PRDM15: variants seen among roughly 807,000 people sequenced by gnomAD.
PRDM15 encodes the protein PR domain zinc finger protein 15.
In PRDM15, 64 loss-of-function variants were observed where a neutral mutation model predicts 128.6. That is an observed-to-expected ratio of 0.50 (90% confidence interval 0.41 to 0.61). PRDM15 has a LOEUF of 0.61. Ranked by LOEUF, PRDM15 falls within the 20% of genes least tolerant of loss-of-function variation. The pLI, the probability that PRDM15 is intolerant of heterozygous loss-of-function variation, is 0.00. For missense variants in PRDM15, 1,242 were observed against 1,569.1 expected (o/e 0.79, Z 3.52); for synonymous variants, 615 against 621.8 (o/e 0.99, Z 0.16).
rs1555880528 is a variant in PRDM15, at chr21:41,835,963, GCCC to G, written c.1278+147_1278+149del. On this transcript the variant is annotated intron_variant, in intron 10 of 23. Transcript: ENST00000398548. ...TGGCCGCTCTCCTCCCTCCCCCACA[GCCC>G]CCGCCCACTCTCCTCCCTCCCCCAC... 1.3e-4 allele frequency: 16 copies of G among 119,256 alleles called. 1 individual carries two copies. The highest frequency in any genetic ancestry group is 4.1e-4 in the South Asian group (5 of 12,164). The allele number at this position is 119,256 out of a possible 1,614,324, so 7.4% of individuals were successfully genotyped here.
chr21:41,859,280 C>T lies in PRDM15; in HGVS notation c.131+312G>A, dbSNP rs577593157. On this transcript the variant is annotated intron_variant, in intron 3 of 23. Transcript: ENST00000398548. This position sits in a 1 kb window ranked among gnomAD's most constrained non-coding sequence, Gnocchi z 5.3. ...CAGACCTCCAGCTTGGCTGCTGGTGCTCAGCACGTCAACCACCTTGGCAAG... is the reference window on the plus strand; with the variant it reads ...CAGACCTCCAGCTTGGCTGCTGGTGTTCAGCACGTCAACCACCTTGGCAAG... 62 of 1,539,374 alleles carry T rather than the reference C, an allele frequency of 4.0e-5. 2 individuals carry two copies. In the Admixed American group the frequency reaches 8.8e-4, roughly 22 times the overall value.
intron 1 of PRDM15, among the ~76,000 whole-genome samples, chr21:41,867,561 A>G (rs954149686): frequency 6.6e-6 from 1 of 152,232 alleles, no homozygotes. Context: ...CTCCTGCCGC[A>G]GCCTCCGCAT....
At chr21:41,816,780 CCTGCACACA>C (rs1050572183) in intron 18 of PRDM15, among the ~76,000 whole-genome samples, 5 of 152,088 alleles carry the variant, frequency 3.3e-5, no homozygotes, top group African/African-American at 1.2e-4. Context: ...AAGCCCGCTG[CCTGCACACA>C]CAGCTGCACA....
rs911231848 is a variant in PRDM15, at chr21:41,836,759, T to C, written c.1002-110A>G. 3.4e-6 allele frequency: 3 copies of C among 894,088 alleles called. No homozygotes were observed. In the Admixed American group the frequency reaches 7.0e-5, roughly 21 times the overall value. 55.4% of individuals were successfully genotyped at this position (894,088 alleles called of 1,614,324 possible). On this transcript the variant is annotated intron_variant, in intron 8 of 23. Coordinates refer to ENST00000398548, the MANE Select transcript of PRDM15 (RefSeq NM_001040424.3). ...AAAACTTCCCAGCTAATCCCGAGCC[T>C]GTATGCGAGAAAGGAGGGAATGCGC...
At chr21:41,875,368 G>A (rs1207461346) in intron 1 of PRDM15, among the ~76,000 whole-genome samples, 1 of 152,272 alleles carries the variant, frequency 6.6e-6, no homozygotes, top group African/African-American at 2.4e-5. Flanking sequence ...CTGGAACCAG[G>A]AGCAGCCAGG....
intron 13 of PRDM15, among the ~76,000 whole-genome samples, chr21:41,824,685 C>T (rs1247239128): frequency 6.6e-5 from 10 of 152,186 alleles, no homozygotes; most frequent in Non-Finnish European, 2.9e-5. Context: ...TGGCCCAGCT[C>T]GCAAAGTCAC....
intron 5 of PRDM15, among the ~76,000 whole-genome samples, chr21:41,852,054 G>A (rs2063445288): frequency 6.6e-6 from 1 of 152,190 alleles, no homozygotes; most frequent in Admixed American, 6.5e-5. Flanking sequence ...GAAATCAGAG[G>A]CGACTCTGTT....
rs1234003741 is a variant in PRDM15 at position 41,828,654 on chromosome 21, G to A, written c.1367-321C>T. On this transcript the variant is annotated intron_variant, in intron 11 of 23. Transcript: ENST00000398548. The surrounding 1 kb of genome is among the most constrained non-coding windows in gnomAD (Gnocchi z 5.7). ...TGACTCCACTTCCGTCAGGAAAGCT[G>A]CCCAGTCCAAAGCTTCCCCTGGGCC... 2.0e-5 allele frequency among the ~76,000 whole-genome samples: 3 copies of A among 151,932 alleles called. No homozygotes were observed. The highest frequency in any genetic ancestry group is 6.5e-5 in the Admixed American group (1 of 15,268).
rs768947920 is a variant in PRDM15 at position 41,859,654 on chromosome 21, G to T, written c.69C>A (p.Ser23=). 1 of 1,613,874 alleles carries T rather than the reference G, an allele frequency of 6.2e-7. No homozygotes were observed. The highest frequency in any genetic ancestry group is 8.5e-7 in the Non-Finnish European group (1 of 1,179,978). Residue 23 remains serine, a synonymous_variant, in exon 3 of 24, where the codon TCC becomes TCA. Transcript: ENST00000398548. This position sits in a 1 kb window ranked among gnomAD's most constrained non-coding sequence, Gnocchi z 5.3. ...CCACTGGGCCCAGCTCGGGACATTC[G>T]GAGTCGTGGTACTGGCTGCAGTCTT... The part of the protein sequence containing the change: ...WCEDCSQYHD[S]ECPELGPVVM...
At chr21:41,815,944 G>T (rs1023121103) in intron 18 of PRDM15, 108 bp from the exon 19 acceptor site, 2 of 1,419,994 alleles carry the variant, frequency 1.4e-6, no homozygotes, top group East Asian at 2.3e-5. Context: ...TGCGGTACTG[G>T]TGAGGGTGTG....
intron 3 of PRDM15, among the ~76,000 whole-genome samples, chr21:41,858,099 A>G (rs2063693652): frequency 6.6e-6 from 1 of 152,188 alleles, no homozygotes; most frequent in Non-Finnish European, 1.5e-5. Flanking sequence ...TATGAAGAGC[A>G]CCCCGAGAAA....
At position 41,821,550 on chromosome 21, in the gene PRDM15, G is replaced by A. The variant is rs2062266381; in HGVS notation, c.1897-320C>T. Among the ~76,000 whole-genome samples, 1 of 149,482 alleles carries A rather than the reference G, an allele frequency of 6.7e-6. No individual in the cohort carries two copies. The highest frequency in any genetic ancestry group is 2.1e-4 in the South Asian group (1 of 4,720). On this transcript the variant is annotated intron_variant, in intron 15 of 23. Coordinates refer to ENST00000398548, the MANE Select transcript of PRDM15 (RefSeq NM_001040424.3). This position sits in a 1 kb window ranked among gnomAD's most constrained non-coding sequence, Gnocchi z 5.4. ...AGGAGGGGGAGGAGAGAAGGGGAGG[G>A]GAAAAGGGGAGGAGAGAGGCGCCCC...
intron 17 of PRDM15, 77 bp downstream of exon 17, chr21:41,820,018 C>A (rs533234248): frequency 2.4e-6 from 3 of 1,231,620 alleles, no homozygotes; most frequent in African/African-American, 1.5e-5. Flanking sequence ...GTGTAGAATA[C>A]GCGGAGACCC....
At position 41,835,456 on chromosome 21, in the gene PRDM15, C is replaced by CTCCA; in HGVS notation, c.1343_1346dup (p.Glu449AspfsTer10). The CTCCA allele has an allele frequency of 6.2e-7, 1 of 1,609,542 alleles. No homozygotes were observed. Among genetic ancestry groups the CTCCA allele is most frequent in the Non-Finnish European group, 8.5e-7 (1 of 1,179,754 alleles). On this transcript the variant is annotated frameshift_variant, in exon 11 of 24. Coordinates refer to ENST00000398548, the MANE Select transcript of PRDM15 (RefSeq NM_001040424.3). LOFTEE classifies it high-confidence loss of function. ...CCTCACCTGTCCTGCAGTTGTGGAA[C>CTCCA]TCCAGCGCGCTCTCGATGCGGAAGG...
Position 41,862,144 on chromosome 21 carries a change from G to T in PRDM15, c.-9-1772C>A. ...GGGAGGGCGCACGCTTTCATGAGTT[G>T]CTGCTGTGCTACTGGAGGTGTAGGA... On this transcript the variant is annotated intron_variant, in intron 1 of 23. Transcript: ENST00000398548. This position sits in a 1 kb window ranked among gnomAD's most constrained non-coding sequence, Gnocchi z 4.1. 1 of 673,280 alleles carries T rather than the reference G, an allele frequency of 1.5e-6. No homozygotes were observed. Among genetic ancestry groups the T allele is most frequent in the Non-Finnish European group, 2.7e-6 (1 of 375,086 alleles). 41.7% of individuals were successfully genotyped at this position (673,280 alleles called of 1,614,324 possible).
At chr21:41,850,710 C>A (rs1261638030) in intron 5 of PRDM15, among the ~76,000 whole-genome samples, 1 of 152,060 alleles carries the variant, frequency 6.6e-6, no homozygotes, top group Non-Finnish European at 1.5e-5. Context: ...CCAGCCTGGG[C>A]AACAGTGCCA....
At chr21:41,868,081 GC>G (rs1321943634) in intron 1 of PRDM15, among the ~76,000 whole-genome samples, 13 of 151,816 alleles carry the variant, frequency 8.6e-5, no homozygotes, top group African/African-American at 3.1e-4. Flanking sequence ...AAATCAGACA[GC>G]CTGTGACCTT....
chr21:41,828,290 G>A lies in PRDM15; in HGVS notation c.1410C>T (p.Ser470=). ...FQCEMCFRFF[S]TNSNLSKHKK... Reference sequence around the variant, plus strand: ...TGTGCTTGGAGAGGTTGCTGTTGGTGGAGAAGAATCTGAAACACATCTCAC... The same window carrying A: ...TGTGCTTGGAGAGGTTGCTGTTGGTAGAGAAGAATCTGAAACACATCTCAC... Residue 470 remains serine, a synonymous_variant, in exon 12 of 24, where the codon TCC becomes TCT. Transcript: ENST00000398548. The surrounding 1 kb of genome is among the most constrained non-coding windows in gnomAD (Gnocchi z 5.7). The A allele has an allele frequency of 6.2e-7, 1 of 1,613,968 alleles. No homozygotes were observed.
intron 18 of PRDM15, 49 bp from the exon 19 acceptor site, chr21:41,815,885 C>T: frequency 1.2e-6 from 2 of 1,603,436 alleles, no homozygotes; most frequent in South Asian, 1.1e-5. Context: ...ACGCAGCCCA[C>T]CTGGGGGCCC....
Sources: gnomAD v4.1 joint callset for allele counts (sites outside exome capture counted in the v4.1 genomes callset) on GRCh38, gnomAD v4.1.1 for gene constraint, Gnocchi (gnomAD v3.1) non-coding constraint, MANE v1.5 for transcripts, NCBI Gene and HGNC (gene_info 2026-07-23, HGNC 2026-07-21) for gene names.